The following TAF11 variants were observed in gnomAD, a reference collection of about 807,000 sequenced individuals.
The protein encoded by TAF11 is TATA-box binding protein associated factor 11.
Under a neutral mutation model 23.0 loss-of-function variants are expected in TAF11, and 10 were observed. The observed-to-expected ratio is 0.43, with a 90% confidence interval of 0.27 to 0.74. The LOEUF (loss-of-function observed/expected upper bound fraction) is 0.74. TAF11 is among the 30% of genes least tolerant of loss of function. The probability of loss-of-function intolerance (pLI) is 0.19; values close to 1 mark genes in which losing one functional copy is unlikely to be tolerated. For synonymous variants in TAF11, 85 were observed against 95.8 expected (o/e 0.89, Z 0.66); for missense variants, 196 against 261.7 (o/e 0.75, Z 1.73).
chr6:34,883,721 G>A (rs1480055360), intron 1 of TAF11, among the ~76,000 whole-genome samples: 1 of 152,018 alleles, frequency 6.6e-6, no homozygotes, highest in East Asian at 1.9e-4. Flanking sequence ...TACTTATGCT[G>A]GATGTTTAAT....
chr6:34,878,591 TAGA>T lies in TAF11; in HGVS notation c.632_634del (p.Phe211del), dbSNP rs760633521. ...ACATAGGCCTTTCTAGACTTTGGTC[TAGA>T]AGAAGATGATTTTTTTGTGCTTCGA... On this transcript the variant is annotated inframe_deletion, in exon 5 of 5. Coordinates refer to ENST00000361288, the MANE Select transcript of TAF11 (RefSeq NM_005643.4). 11 of 1,539,170 alleles carry T rather than the reference TAGA, an allele frequency of 7.1e-6. No homozygotes were observed. Among genetic ancestry groups the T allele is most frequent in the East Asian group, 4.5e-5 (2 of 44,522 alleles).
In TAF11 at chr6:34,878,119, G is replaced by A. The variant is rs768195179; in HGVS notation, c.*471C>T. 11 of 153,960 alleles carry A rather than the reference G, an allele frequency of 7.1e-5. No homozygotes were observed. The highest frequency in any genetic ancestry group is 1.3e-4 in the Non-Finnish European group (9 of 69,160). 9.5% of individuals were successfully genotyped at this position (153,960 alleles called of 1,614,324 possible). A position where few individuals can be genotyped will look rare whatever the true frequency, so the allele number is the denominator to read the frequency against. ...AAAAATAAGTTAGCTGGGCACAGTA[G>A]TGTGTGCCTGTAGTCCTAGCTACTC... On this transcript the variant is annotated 3_prime_UTR_variant, in exon 5 of 5. Transcript: ENST00000361288.
chr6:34,884,153 T>A (rs1176066476), intron 1 of TAF11, among the ~76,000 whole-genome samples: 1 of 152,154 alleles, frequency 6.6e-6, no homozygotes, highest in Admixed American at 6.5e-5. Flanking sequence ...AGCAAAGACA[T>A]GGAATCAACC....
intron 2 of TAF11, among the ~76,000 whole-genome samples, chr6:34,882,536 C>T (rs763124836): frequency 2.0e-5 from 3 of 150,072 alleles, no homozygotes; most frequent in Admixed American, 1.3e-4. Flanking sequence ...CCCAGCTACT[C>T]GGGAGGCTGA....
intron 1 of TAF11, among the ~76,000 whole-genome samples, chr6:34,885,476 A>G (rs4646922): frequency 0.073 from 11,085 of 152,250 alleles, 611 homozygotes; most frequent in East Asian, 0.23. Flanking sequence ...TTAATGCATT[A>G]CATTAACAAG....
At position 34,887,859 on chromosome 6, in the gene TAF11, G is replaced by T. The variant is rs199725121; in HGVS notation, c.99C>A (p.Thr33=). 81 of 1,614,160 alleles carry T rather than the reference G, an allele frequency of 5.0e-5. No homozygotes were observed. In the African/African-American group the frequency reaches 8.8e-4, roughly 18 times the overall value. ...CGTCAGTTTCCTCTGGGATTCCATC[G>T]GTGTCGGTAGCCCCCGGGTCCCCGG... The part of the protein sequence containing the change: ...AVPGDPGATD[T]DGIPEETDGD... Residue 33 remains threonine, a synonymous_variant, in exon 1 of 5, where the codon ACC becomes ACA. Coordinates refer to ENST00000361288, the MANE Select transcript of TAF11 (RefSeq NM_005643.4).
intron 1 of TAF11, among the ~76,000 whole-genome samples, chr6:34,884,180 G>T (rs1021678984): frequency 4.6e-5 from 7 of 152,278 alleles, no homozygotes; most frequent in Non-Finnish European, 7.3e-5. Flanking sequence ...CCCATCAATG[G>T]TAGACTGGAT....
chr6:34,878,874 C>T (rs1323542305), intron 4 of TAF11, among the ~76,000 whole-genome samples, 154 bp from the exon 5 acceptor site: 1 of 152,162 alleles, frequency 6.6e-6, no homozygotes, highest in Non-Finnish European at 1.5e-5. Context: ...AGTATAACGT[C>T]TCATAACAGG....
rs1001662487 is a variant in TAF11 at position 34,880,750 on chromosome 6, G to A, written c.321-374C>T. ...GTTTTCAACATTAACAGATTTAGGG[G>A]AAATATCTGCAAAATATGTGGAAAC... On this transcript the variant is annotated intron_variant, in intron 2 of 4. Transcript: ENST00000361288. The surrounding 1 kb of genome is among the most constrained non-coding windows in gnomAD (Gnocchi z 4.8). 7.2e-5 allele frequency among the ~76,000 whole-genome samples: 11 copies of A among 152,212 alleles called. 1 individual carries two copies. Among genetic ancestry groups the A allele is most frequent in the Non-Finnish European group, 2.9e-5 (2 of 68,008 alleles).
At chr6:34,887,024 C>T (rs1458801347) in intron 1 of TAF11, among the ~76,000 whole-genome samples, 21 of 152,080 alleles carry the variant, frequency 1.4e-4, no homozygotes, top group Non-Finnish European at 3.1e-4. Context: ...TCCCTGATCA[C>T]CGGGTGCGGT....
chr6:34,883,669 T>G (rs938830064), intron 1 of TAF11, among the ~76,000 whole-genome samples: 2 of 151,652 alleles, frequency 1.3e-5, no homozygotes, highest in African/African-American at 4.9e-5. Flanking sequence ...GGTTTGTCTC[T>G]TATTATTTAT....
chr6:34,882,079 C>G (rs1766442112), intron 2 of TAF11, among the ~76,000 whole-genome samples: 1 of 151,662 alleles, frequency 6.6e-6, no homozygotes, highest in African/African-American at 2.4e-5. Context: ...GTGGCTCACA[C>G]CTGTAATCCC....
intron 4 of TAF11, among the ~76,000 whole-genome samples, 195 bp from the exon 5 acceptor site, chr6:34,878,915 T>A (rs1766366074): frequency 6.6e-6 from 1 of 152,186 alleles, no homozygotes; most frequent in Non-Finnish European, 1.5e-5. Flanking sequence ...TAAAATATAT[T>A]TCCTATAGGC....
At chr6:34,881,412 G>A (rs1226732754) in intron 2 of TAF11, among the ~76,000 whole-genome samples, 1 of 152,112 alleles carries the variant, frequency 6.6e-6, no homozygotes, top group Non-Finnish European at 1.5e-5. Flanking sequence ...GTTTATGGGT[G>A]ATTTTTTTCT....
At chr6:34,879,898 T>C (rs948991424) in intron 4 of TAF11, 69 bp downstream of exon 4, 14 of 1,554,428 alleles carry the variant, frequency 9.0e-6, no homozygotes, top group African/African-American at 2.7e-5. Context: ...ATAAGCTCCT[T>C]TGTGTAGATA....
Position 34,878,625 on chromosome 6 carries a change from G to A in TAF11, c.601C>T (p.Pro201Ser). The A allele has an allele frequency of 6.2e-7, 1 of 1,611,160 alleles. No individual in the cohort carries two copies. Among genetic ancestry groups the A allele is most frequent in the Non-Finnish European group, 8.5e-7 (1 of 1,177,358 alleles). ...ATGATTTTTTTGTGCTTCGAGTTAG[G>A]GATCTGTCCTTTTGACTTTAACCTT... is the stretch of plus-strand genomic sequence containing the variant. ...VRRLKSKGQI[P>S]NSKHKKIIFF The change falls in exon 5 of 5, where the codon CCT becomes TCT. Residue 201 changes from proline (P) to serine (S), a missense_variant. Physicochemically the swap from Pro to Ser is moderately conservative, Grantham distance 74. Transcript: ENST00000361288.
intron 1 of TAF11, 93 bp downstream of exon 1, chr6:34,887,694 G>C: frequency 6.7e-7 from 1 of 1,492,184 alleles, no homozygotes; most frequent in Non-Finnish European, 9.3e-7. Flanking sequence ...TCGAGTTCTC[G>C]TAACTTGTTA....
At chr6:34,885,627 C>G (rs1766513049) in intron 1 of TAF11, among the ~76,000 whole-genome samples, 1 of 152,162 alleles carries the variant, frequency 6.6e-6, no homozygotes, top group South Asian at 2.1e-4. Context: ...AGTGAGCCCT[C>G]TGTGTACTAA....
chr6:34,882,142 C>T (rs1242822843), intron 2 of TAF11, among the ~76,000 whole-genome samples: 25 of 146,684 alleles, frequency 1.7e-4, no homozygotes, highest in South Asian at 8.7e-4. Context: ...GTTCGAGACC[C>T]GCCTGGCCAA....
Sources: allele counts gnomAD v4.1 joint callset (sites outside exome capture counted in the v4.1 genomes callset), GRCh38; gene constraint gnomAD v4.1.1; non-coding constraint Gnocchi (gnomAD v3.1); transcripts MANE v1.5; gene names NCBI Gene and HGNC (gene_info 2026-07-23, HGNC 2026-07-21).